The following CDH8 variants were observed in gnomAD, a reference collection of about 807,000 sequenced individuals.
The protein encoded by CDH8 is cadherin 8.
CDH8 carries 17 observed loss-of-function variants against 68.1 expected under a neutral mutation model. The ratio of observed to expected loss-of-function variants is 0.25; its 90% confidence interval spans 0.17 to 0.37. CDH8 has a LOEUF of 0.37. CDH8 is among the 10% of genes least tolerant of loss of function. The pLI is 1.00. For synonymous variants in CDH8, 372 were observed against 365.1 expected, an observed-to-expected ratio of 1.02 and a Z score of -0.21; for missense variants, 763 against 999.3, an observed-to-expected ratio of 0.76 and a Z score of 3.19.
At chr16:61,899,600 G>C (rs1051369885) in intron 3 of CDH8, among the ~76,000 whole-genome samples, 1 of 151,850 alleles carries the variant, frequency 6.6e-6, no homozygotes, top group Non-Finnish European at 1.5e-5. Context: ...AGGTATTATG[G>C]GGAAGAAAAA....
chr16:61,789,349 T>A lies in CDH8; in HGVS notation c.1411A>T (p.Ile471Phe). Residue 471 changes from isoleucine to phenylalanine, a missense_variant, in exon 8 of 12, where the codon ATT (isoleucine) becomes TTT (phenylalanine). By Grantham distance (21) the Ile-to-Phe change is conservative. Around this residue, in one of 2 missense-constraint regions of CDH8, gnomAD observed 397 missense variants for 436.2 expected, o/e 0.91. Coordinates refer to ENST00000577390, the MANE Select transcript of CDH8 (RefSeq NM_001796.5). ...WHNITIIATEIRNHSQISRVP... is the reference protein window; with the variant it reads ...WHNITIIATEFRNHSQISRVP... ...ATGAACAAATCCAGGCACTTACTAATTTCAGTAGCAATGATTGTTATGTTG... is the reference window on the plus strand; with the variant it reads ...ATGAACAAATCCAGGCACTTACTAAATTCAGTAGCAATGATTGTTATGTTG... 1 of 1,609,254 alleles carries A rather than the reference T, an allele frequency of 6.2e-7. No individual in the cohort carries two copies. The highest frequency in any genetic ancestry group is 1.7e-5 in the Admixed American group (1 of 59,160).
intron 8 of CDH8, among the ~76,000 whole-genome samples, chr16:61,746,670 A>G (rs1960032135): frequency 6.6e-6 from 1 of 151,988 alleles, no homozygotes; most frequent in Non-Finnish European, 1.5e-5. Flanking sequence ...TTAGCAACAG[A>G]CAAAATTTAC....
intron 5 of CDH8, 105 bp downstream of exon 5, chr16:61,824,907 C>T: frequency 1.1e-6 from 1 of 949,594 alleles, no homozygotes; most frequent in Non-Finnish European, 1.6e-6. Context: ...TAATAAGCCA[C>T]TCAATAGTTG....
chr16:61,666,743 AAT>A (rs759882267), intron 10 of CDH8, among the ~76,000 whole-genome samples: 53 of 152,042 alleles, frequency 3.5e-4, no homozygotes, highest in Non-Finnish European at 6.6e-4. Context: ...CAAAGAAAAA[AAT>A]GCCACTGTGT....
Position 62,021,550 on chromosome 16 carries a change from A to C in CDH8, c.-147T>G. ...ATAGCACGGGAAACAGACATCATCT[A>C]AGCAGCTTTTCTAAGACCACAATCC... On this transcript the variant is annotated 5_prime_UTR_variant, in exon 2 of 12. An upstream open reading frame in the 5' UTR loses its in-frame stop. Transcript: ENST00000577390. 3 of 1,423,358 alleles carry C rather than the reference A, an allele frequency of 2.1e-6. No individual in the cohort carries two copies. The highest frequency in any genetic ancestry group is 2.7e-6 in the Non-Finnish European group (3 of 1,093,212). 88.2% of individuals were successfully genotyped at this position (1,423,358 alleles called of 1,614,324 possible).
intron 4 of CDH8, among the ~76,000 whole-genome samples, chr16:61,854,644 A>T (rs1288611009): frequency 6.6e-6 from 1 of 152,116 alleles, no homozygotes; most frequent in African/African-American, 2.4e-5. Context: ...TTCCCCACAA[A>T]GGGGGTATTT....
intron 10 of CDH8, chr16:61,692,464 T>C (rs937156574): frequency 6.6e-6 from 1 of 152,254 alleles, no homozygotes; most frequent in African/African-American, 2.4e-5. Flanking sequence ...TGCTGGAGCT[T>C]TTCTACACAC....
intron 2 of CDH8, among the ~76,000 whole-genome samples, chr16:61,919,206 A>C (rs1472608143): frequency 6.8e-6 from 1 of 146,434 alleles, no homozygotes; most frequent in South Asian, 2.3e-4. Flanking sequence ...AAAACCACAA[A>C]GATGGGGAAA....
intron 3 of CDH8, among the ~76,000 whole-genome samples, chr16:61,888,654 G>T (rs968140031): frequency 2.0e-5 from 3 of 152,112 alleles, no homozygotes; most frequent in Non-Finnish European, 4.4e-5. Flanking sequence ...TCTGTAGAAT[G>T]CTTAGGATAG....
At chr16:61,900,677 C>T (rs764723429) in intron 3 of CDH8, among the ~76,000 whole-genome samples, 3 of 152,152 alleles carry the variant, frequency 2.0e-5, no homozygotes, top group Non-Finnish European at 4.4e-5. Context: ...GACACAAATA[C>T]AGAGGCCCTT....
At chr16:61,812,061 ACACAAACACAC>A (rs1223817465) in intron 7 of CDH8, among the ~76,000 whole-genome samples, 3 of 152,180 alleles carry the variant, frequency 2.0e-5, no homozygotes, top group Non-Finnish European at 2.9e-5. Context: ...CTCTTTACAC[ACACAAACACAC>A]CACAAACACA....
intron 2 of CDH8, among the ~76,000 whole-genome samples, chr16:61,931,965 T>C (rs571669895): frequency 9.1e-4 from 139 of 152,190 alleles, no homozygotes; most frequent in African/African-American, 3.3e-3. Flanking sequence ...CCCAGCACTT[T>C]GGGAGGCCGA....
At chr16:61,837,411 C>T (rs760031611) in intron 4 of CDH8, among the ~76,000 whole-genome samples, 6 of 152,016 alleles carry the variant, frequency 3.9e-5, no homozygotes, top group Non-Finnish European at 8.8e-5. Context: ...ATCTTGGGTT[C>T]TATTTTATAC....
intron 8 of CDH8, among the ~76,000 whole-genome samples, chr16:61,788,311 G>A (rs760270382): frequency 1.3e-5 from 2 of 152,032 alleles, no homozygotes; most frequent in Non-Finnish European, 2.9e-5. Context: ...GCCAGACAGT[G>A]AGTGAATTTT....
intron 10 of CDH8, among the ~76,000 whole-genome samples, chr16:61,666,679 T>C (rs1422445004): frequency 6.6e-6 from 1 of 152,026 alleles, no homozygotes; most frequent in Non-Finnish European, 1.5e-5. Context: ...TGCAAATTTA[T>C]TTCAAATTTT....
intron 5 of CDH8, among the ~76,000 whole-genome samples, chr16:61,824,241 G>A (rs1962280407): frequency 6.6e-6 from 1 of 151,710 alleles, no homozygotes; most frequent in African/African-American, 2.4e-5. Context: ...ATAATAATAA[G>A]TATGTAGACA....
chr16:61,781,865 C>T (rs1194525954), intron 8 of CDH8, among the ~76,000 whole-genome samples: 3 of 152,138 alleles, frequency 2.0e-5, no homozygotes, highest in Non-Finnish European at 4.4e-5. Flanking sequence ...AAATGGCATG[C>T]TTTATTTGCT....
rs1275411379 is a variant in CDH8, at chr16:61,942,512, C to T, written c.253-41039G>A. Among the ~76,000 whole-genome samples the T allele has an allele frequency of 3.3e-5, 5 of 152,006 alleles. No homozygotes were observed. In the South Asian group the frequency reaches 6.2e-4, roughly 19 times the overall value. On this transcript the variant is annotated intron_variant, in intron 2 of 11. Coordinates refer to ENST00000577390, the MANE Select transcript of CDH8 (RefSeq NM_001796.5). ...GAGTGAGACTGCCTCTAAAACAAAA[C>T]AAAACAAAACAAAAAGAGGAGAGGA...
chr16:61,719,435 A>G (rs1486661150), intron 9 of CDH8, among the ~76,000 whole-genome samples: 1 of 151,086 alleles, frequency 6.6e-6, no homozygotes, highest in East Asian at 1.9e-4. Flanking sequence ...ATGCGTCTAT[A>G]CAAAGTTTGG....
Sources: gnomAD v4.1 joint callset for allele counts (sites outside exome capture counted in the v4.1 genomes callset) on GRCh38, gnomAD v4.1.1 for gene constraint, gnomAD v4.1.1 regional missense constraint, MANE v1.5 for transcripts, NCBI Gene and HGNC (gene_info 2026-07-23, HGNC 2026-07-21) for gene names.